ADGRL3: variants seen among roughly 807,000 people sequenced by gnomAD.
ADGRL3 encodes the protein calcium-independent alpha-latrotoxin receptor 3.
In ADGRL3, 62 loss-of-function variants were observed where a neutral mutation model predicts 153.5. That is an observed-to-expected ratio of 0.40 (90% CI 0.33 to 0.50). ADGRL3 has a LOEUF of 0.50. ADGRL3 is among the 20% of genes least tolerant of loss of function. The probability of loss-of-function intolerance (pLI) is 0.47; values close to 1 mark genes in which losing one functional copy is unlikely to be tolerated. For synonymous variants in ADGRL3, 710 were observed against 672.5 expected (o/e 1.06, Z -0.86); for missense variants, 1,641 against 1,859.4 (o/e 0.88, Z 2.16).
At chr4:61,327,198 T>C (rs1230924079) in intron 1 of ADGRL3, among the ~76,000 whole-genome samples, 2 of 152,052 alleles carry the variant, frequency 1.3e-5, no homozygotes, top group East Asian at 1.9e-4. Context: ...CTTGCTAATA[T>C]AATGCTGTAT....
At chr4:61,321,891 A>G (rs1010688044) in intron 1 of ADGRL3, among the ~76,000 whole-genome samples, 4 of 152,114 alleles carry the variant, frequency 2.6e-5, no homozygotes, top group Non-Finnish European at 4.4e-5. Flanking sequence ...GGTTAGGAGG[A>G]AGGAGGTAGA....
chr4:61,532,555 C>CGTGTGTGTGT (rs56053700), intron 4 of ADGRL3, among the ~76,000 whole-genome samples: 21 of 131,472 alleles, frequency 1.6e-4, no homozygotes, highest in Non-Finnish European at 2.4e-4. Context: ...CGCGCGCGCG[C>CGTGTGTGTGT]GTGTGTGTGT....
chr4:61,219,412 T>C (rs955240981), intron 1 of ADGRL3, among the ~76,000 whole-genome samples: 4 of 152,230 alleles, frequency 2.6e-5, no homozygotes, highest in African/African-American at 9.6e-5. Context: ...TTAAATGCTG[T>C]ATGAAAACCA....
intron 9 of ADGRL3, among the ~76,000 whole-genome samples, chr4:61,816,552 A>G (rs1222770282): frequency 6.6e-6 from 1 of 152,242 alleles, no homozygotes; most frequent in Non-Finnish European, 1.5e-5. Context: ...GAATATAAGA[A>G]GAGGAATTAG....
intron 5 of ADGRL3, among the ~76,000 whole-genome samples, chr4:61,626,065 T>C (rs1377377651): frequency 6.6e-6 from 1 of 152,016 alleles, no homozygotes; most frequent in Non-Finnish European, 1.5e-5. Flanking sequence ...TGGCTTTCTA[T>C]TTGACCTTAA....
chr4:61,809,272 AT>A (rs2097582480), intron 8 of ADGRL3, among the ~76,000 whole-genome samples: 1 of 152,070 alleles, frequency 6.6e-6, no homozygotes, highest in African/African-American at 2.4e-5. Flanking sequence ...AGTTGTGTTT[AT>A]TTTCCCAATT....
chr4:61,333,410 A>T (rs1357459143), intron 1 of ADGRL3, among the ~76,000 whole-genome samples: 1 of 152,150 alleles, frequency 6.6e-6, no homozygotes, highest in Non-Finnish European at 1.5e-5. Flanking sequence ...GCAGTAATGT[A>T]ATATCCTGGG....
intron 4 of ADGRL3, among the ~76,000 whole-genome samples, chr4:61,529,845 A>G (rs2098601395): frequency 6.6e-6 from 1 of 152,154 alleles, no homozygotes. Context: ...TTAAGACATT[A>G]TGACCATAGA....
intron 9 of ADGRL3, among the ~76,000 whole-genome samples, chr4:61,852,883 C>T (rs1169978196): frequency 2.6e-5 from 4 of 151,974 alleles, no homozygotes; most frequent in Non-Finnish European, 5.9e-5. Context: ...GAGCATGTTA[C>T]TTTTAAAAAC....
At chr4:61,660,883 G>A (rs1009472618) in intron 5 of ADGRL3, among the ~76,000 whole-genome samples, 4 of 152,018 alleles carry the variant, frequency 2.6e-5, no homozygotes, top group Admixed American at 6.6e-5. Context: ...AATTAAAAAC[G>A]TTAATTAGAC....
At chr4:61,837,897 A>G (rs1486180612) in intron 9 of ADGRL3, among the ~76,000 whole-genome samples, 29 of 152,080 alleles carry the variant, frequency 1.9e-4, no homozygotes, top group Non-Finnish European at 2.5e-4. Flanking sequence ...GCATTGCATG[A>G]TCATTTTAAA....
intron 1 of ADGRL3, among the ~76,000 whole-genome samples, chr4:61,324,941 T>A (rs530879914): frequency 2.0e-4 from 31 of 152,314 alleles, no homozygotes; most frequent in African/African-American, 6.5e-4. Flanking sequence ...AATTTTAAAT[T>A]ATTAAAGCAC....
chr4:61,622,710 A>C (rs1306110537), intron 5 of ADGRL3, among the ~76,000 whole-genome samples: 1 of 152,156 alleles, frequency 6.6e-6, no homozygotes, highest in Non-Finnish European at 1.5e-5. Flanking sequence ...GTAGATACAA[A>C]TTGTGTTTCT....
chr4:61,210,898 T>G (rs147720773), intron 1 of ADGRL3, among the ~76,000 whole-genome samples: 1 of 152,316 alleles, frequency 6.6e-6, no homozygotes, highest in African/African-American at 2.4e-5. Context: ...GGAGTTTTAA[T>G]TATATTATTA....
At chr4:62,030,083 A>G (rs2151489840) in intron 22 of ADGRL3, among the ~76,000 whole-genome samples, 1 of 151,762 alleles carries the variant, frequency 6.6e-6, no homozygotes, top group East Asian at 1.9e-4. Flanking sequence ...TATAGTGGGC[A>G]TTTAAAGATG....
At chr4:61,670,579 A>G (rs2094956379) in intron 5 of ADGRL3, among the ~76,000 whole-genome samples, 2 of 152,244 alleles carry the variant, frequency 1.3e-5, no homozygotes, top group South Asian at 4.1e-4. Context: ...ACCAAGAAGA[A>G]TAAGGCATGT....
At chr4:61,480,660 A>G (rs995843389) in intron 2 of ADGRL3, among the ~76,000 whole-genome samples, 4 of 151,914 alleles carry the variant, frequency 2.6e-5, no homozygotes, top group Non-Finnish European at 4.4e-5. Flanking sequence ...TCGGGTGCCT[A>G]TAAGCCCAGC....
intron 13 of ADGRL3, among the ~76,000 whole-genome samples, chr4:61,924,287 T>C (rs1292001447): frequency 1.3e-5 from 2 of 152,084 alleles, no homozygotes; most frequent in Admixed American, 6.6e-5. Flanking sequence ...CTTCATTGGT[T>C]CCTCCTCTTC....
At chr4:61,232,681 A>G (rs1485580257) in intron 1 of ADGRL3, among the ~76,000 whole-genome samples, 3 of 152,170 alleles carry the variant, frequency 2.0e-5, no homozygotes, top group African/African-American at 7.2e-5. Context: ...TGCTATTATT[A>G]TTATTGTCGC....
Sources: allele counts gnomAD v4.1 joint callset (sites outside exome capture counted in the v4.1 genomes callset), GRCh38; gene constraint gnomAD v4.1.1; transcripts MANE v1.5; gene names NCBI Gene and HGNC (gene_info 2026-07-23, HGNC 2026-07-21).